DNAJC3: variants seen among roughly 807,000 people sequenced by gnomAD.
DNAJC3 encodes DnaJ heat shock protein family (Hsp40) member C3.
A neutral mutation model predicts 68.6 loss-of-function variants in DNAJC3; 38 were observed. The ratio of observed to expected loss-of-function variants is 0.55; its 90% CI spans 0.43 to 0.73. The LOEUF (loss-of-function observed/expected upper bound fraction) is 0.73, where lower values mean the gene tolerates loss of function less well. Ranked by LOEUF, DNAJC3 falls within the 30% of genes least tolerant of loss-of-function variation. The pLI, the probability that DNAJC3 is intolerant of heterozygous loss-of-function variation, is 0.00. For missense variants in DNAJC3, 526 were observed against 591.9 expected (o/e 0.89, Z 1.16); for synonymous variants, 203 against 204.0 (o/e 1.00, Z 0.04).
At chr13:95,762,295 C>G (rs1882849380) in intron 7 of DNAJC3, among the ~76,000 whole-genome samples, 1 of 152,082 alleles carries the variant, frequency 6.6e-6, no homozygotes, top group Non-Finnish European at 1.5e-5. Context: ...CAAGTCTGTC[C>G]TTTTCAGGTC....
At chr13:95,707,168 T>A (rs552271010) in intron 1 of DNAJC3, among the ~76,000 whole-genome samples, 9 of 152,192 alleles carry the variant, frequency 5.9e-5, no homozygotes, top group African/African-American at 2.2e-4. Context: ...ATAGGGTTTG[T>A]GCTCCTGTGA....
At chr13:95,704,099 G>A (rs1428074572) in intron 1 of DNAJC3, among the ~76,000 whole-genome samples, 4 of 152,114 alleles carry the variant, frequency 2.6e-5, no homozygotes, top group Admixed American at 6.5e-5. Flanking sequence ...TGGTTTCAGT[G>A]ACATAAGAAG....
intron 4 of DNAJC3, among the ~76,000 whole-genome samples, chr13:95,738,444 A>T (rs1274655312): frequency 2.7e-5 from 4 of 149,374 alleles, no homozygotes; most frequent in Admixed American, 6.7e-5. Flanking sequence ...CCCATTATTA[A>T]TGTGTGGGAG....
At chr13:95,780,655 T>A (rs1883424000) in intron 9 of DNAJC3, among the ~76,000 whole-genome samples, 1 of 148,454 alleles carries the variant, frequency 6.7e-6, no homozygotes, top group Non-Finnish European at 1.5e-5. Context: ...TTGTGTGATA[T>A]GTTTCTTTTG....
chr13:95,741,003 C>G (rs959976270), intron 4 of DNAJC3, among the ~76,000 whole-genome samples: 1 of 152,070 alleles, frequency 6.6e-6, no homozygotes, highest in South Asian at 2.1e-4. Context: ...TCTCTTATAT[C>G]TCCCTGAGCT....
intron 9 of DNAJC3, among the ~76,000 whole-genome samples, chr13:95,777,381 T>A (rs1452331402): frequency 6.6e-6 from 1 of 152,180 alleles, no homozygotes; most frequent in Non-Finnish European, 1.5e-5. Flanking sequence ...CAGTGCACCT[T>A]TTCAGTCTAG....
At chr13:95,681,157 G>A (rs1272486664) in intron 1 of DNAJC3, among the ~76,000 whole-genome samples, 7 of 152,098 alleles carry the variant, frequency 4.6e-5, no homozygotes. Flanking sequence ...TAGACTGAGT[G>A]GTCCATTATT....
intron 4 of DNAJC3, among the ~76,000 whole-genome samples, chr13:95,748,959 T>A (rs1385102570): frequency 1.3e-5 from 2 of 152,252 alleles, no homozygotes; most frequent in Admixed American, 6.5e-5. Context: ...TATGCTATGA[T>A]TCAGATAACT....
intron 3 of DNAJC3, among the ~76,000 whole-genome samples, chr13:95,724,188 T>G (rs1881431490): frequency 1.3e-5 from 2 of 152,246 alleles, no homozygotes; most frequent in Non-Finnish European, 2.9e-5. Context: ...TCACAAAGGT[T>G]AAATGGCTCA....
intron 1 of DNAJC3, among the ~76,000 whole-genome samples, chr13:95,701,729 G>T (rs554209142): frequency 6.6e-6 from 1 of 152,220 alleles, no homozygotes; most frequent in South Asian, 2.1e-4. Context: ...TCCTATACCA[G>T]CCACTAGTTA....
intron 1 of DNAJC3, chr13:95,695,830 C>G (rs962305169): frequency 6.6e-6 from 1 of 152,136 alleles, no homozygotes; most frequent in African/African-American, 2.4e-5. Flanking sequence ...CCATCAATAC[C>G]GCTTCACCAT....
At position 95,791,153 on chromosome 13, in the gene DNAJC3, T is replaced by TTAA; in HGVS notation, c.*126_*128dup. The TTAA allele has an allele frequency of 8.6e-7, 1 of 1,157,552 alleles. No homozygotes were observed. The highest frequency in any genetic ancestry group is 1.5e-5 in the South Asian group (1 of 65,560). The allele number at this position is 1,157,552 out of a possible 1,614,324, so 71.7% of individuals were successfully genotyped here. On this transcript the variant is annotated 3_prime_UTR_variant, in exon 12 of 12. Coordinates refer to ENST00000602402, the MANE Select transcript of DNAJC3 (RefSeq NM_006260.5). Reference sequence around the variant, plus strand: ...GTTTGTCCATGACCAAAGAGTTGCTTTAATAGGAAAAAATCTGTTCTTATC... The same window carrying TTAA: ...GTTTGTCCATGACCAAAGAGTTGCTTTAATAATAGGAAAAAATCTGTTCTTATC...
intron 9 of DNAJC3, among the ~76,000 whole-genome samples, chr13:95,777,960 G>C (rs1384163858): frequency 6.6e-6 from 1 of 151,990 alleles, no homozygotes; most frequent in Non-Finnish European, 1.5e-5. Context: ...TATGATTTAT[G>C]GCCCAAATGG....
chr13:95,719,016 C>A (rs940376504), intron 2 of DNAJC3, among the ~76,000 whole-genome samples: 1 of 152,210 alleles, frequency 6.6e-6, no homozygotes, highest in Non-Finnish European at 1.5e-5. Context: ...GTTGTTTTAC[C>A]TGTACTTCTG....
At chr13:95,686,874 G>T (rs774753055) in intron 1 of DNAJC3, among the ~76,000 whole-genome samples, 3 of 152,068 alleles carry the variant, frequency 2.0e-5, no homozygotes, top group Non-Finnish European at 2.9e-5. Flanking sequence ...CTTTTTTGGT[G>T]CTGTATGGAC....
At chr13:95,731,944 T>C (rs1004854697) in intron 4 of DNAJC3, among the ~76,000 whole-genome samples, 3 of 151,096 alleles carry the variant, frequency 2.0e-5, no homozygotes, top group Admixed American at 2.0e-4. Flanking sequence ...CGCACTTTGT[T>C]GCACAGGCTG....
At chr13:95,746,656 A>G (rs1455350525) in intron 4 of DNAJC3, among the ~76,000 whole-genome samples, 5 of 152,312 alleles carry the variant, frequency 3.3e-5, no homozygotes, top group South Asian at 4.1e-4. Flanking sequence ...TGATTGTTTT[A>G]TATGTTCTTG....
At chr13:95,775,160 C>T (rs1007739348) in intron 9 of DNAJC3, among the ~76,000 whole-genome samples, 4 of 152,156 alleles carry the variant, frequency 2.6e-5, no homozygotes, top group Non-Finnish European at 4.4e-5. Context: ...AAACCCCTGG[C>T]CTCAAGCAGT....
At chr13:95,721,047 A>G (rs759639340) in intron 2 of DNAJC3, among the ~76,000 whole-genome samples, 1 of 152,154 alleles carries the variant, frequency 6.6e-6, no homozygotes, top group Non-Finnish European at 1.5e-5. Context: ...TCCATTAAAC[A>G]TTAGGGCCCT....
Sources: gnomAD v4.1 joint callset for allele counts (sites outside exome capture counted in the v4.1 genomes callset) on GRCh38, gnomAD v4.1.1 for gene constraint, MANE v1.5 for transcripts, NCBI Gene and HGNC (gene_info 2026-07-23, HGNC 2026-07-21) for gene names.